SIN3B: variants seen among roughly 807,000 people sequenced by gnomAD.
SIN3B encodes SIN3 transcription regulator family member B.
SIN3B carries 19 observed loss-of-function variants against 120.2 expected under a neutral mutation model. That is an observed-to-expected ratio of 0.16 (90% CI 0.11 to 0.23). The LOEUF (loss-of-function observed/expected upper bound fraction) is 0.23. SIN3B is among the 10% of genes least tolerant of loss of function. The pLI is 1.00. For synonymous variants in SIN3B, 654 were observed against 653.2 expected, an observed-to-expected ratio of 1.00 and a Z score of -0.02; for missense variants, 1,073 against 1,573.0, an observed-to-expected ratio of 0.68 and a Z score of 5.38.
At position 16,852,973 on chromosome 19, in the gene SIN3B, A is replaced by G. The variant is rs1971564773; in HGVS notation, c.850-96A>G. 11 of 957,732 alleles carry G rather than the reference A, an allele frequency of 1.1e-5. No individual in the cohort carries two copies. The South Asian group carries it at 1.8e-4, about 16-fold the overall frequency. The allele number at this position is 957,732 out of a possible 1,614,324, so 59.3% of individuals were successfully genotyped here. A position where few individuals can be genotyped will look rare whatever the true frequency, so the allele number is the denominator to read the frequency against. On this transcript the variant is annotated intron_variant, in intron 6 of 18. Transcript: ENST00000248054. ...CATCTCATGGCAGTTCCCAAAGGAG[A>G]GCACGGTCTTAGCCTTCTTGAGACT...
At chr19:16,845,303 G>A (rs1971465348) in intron 4 of SIN3B, among the ~76,000 whole-genome samples, 1 of 152,130 alleles carries the variant, frequency 6.6e-6, no homozygotes, top group Non-Finnish European at 1.5e-5. Flanking sequence ...TTGAGACGGA[G>A]TCTCTTTCAC....
intron 12 of SIN3B, among the ~76,000 whole-genome samples, chr19:16,868,877 G>A (rs1971815701): frequency 6.6e-6 from 1 of 152,120 alleles, no homozygotes. Context: ...GCGGAGGCGG[G>A]GGCTTGGTGA....
At chr19:16,840,226 G>A (rs1332826307) in intron 3 of SIN3B, among the ~76,000 whole-genome samples, 1 of 152,128 alleles carries the variant, frequency 6.6e-6, no homozygotes, top group Non-Finnish European at 1.5e-5. Context: ...ATTTGGAGAT[G>A]GAGCCTTTGA....
At position 16,869,182 on chromosome 19, in the gene SIN3B, C is replaced by A. The variant is rs375042153; in HGVS notation, c.1807-278C>A. On this transcript the variant is annotated intron_variant, in intron 12 of 18. Coordinates refer to ENST00000248054, the MANE Select transcript of SIN3B (RefSeq NM_001297595.2). ...ACCCCCTGTGAACCCCGCCCCACATCTCAGAATCCTCTTGGCTCCTTTGTC... is the reference window on the plus strand; with the variant it reads ...ACCCCCTGTGAACCCCGCCCCACATATCAGAATCCTCTTGGCTCCTTTGTC... 5.9e-5 allele frequency among the ~76,000 whole-genome samples: 9 copies of A among 152,310 alleles called. 1 individual carries two copies. The highest frequency in any genetic ancestry group is 2.2e-4 in the African/African-American group (9 of 41,562).
At chr19:16,857,139 A>G (rs1479102520) in intron 8 of SIN3B, among the ~76,000 whole-genome samples, 2 of 152,218 alleles carry the variant, frequency 1.3e-5, no homozygotes, top group Admixed American at 1.3e-4. Flanking sequence ...TCCAGTTACA[A>G]AATATAGTAA....
At chr19:16,838,918 ATCCTTG>A (rs1971381860) in intron 3 of SIN3B, among the ~76,000 whole-genome samples, 1 of 141,102 alleles carries the variant, frequency 7.1e-6, no homozygotes, top group Non-Finnish European at 1.5e-5. Context: ...GTGATCCGCC[ATCCTTG>A]GCCTCCCAAA....
At chr19:16,865,855 CCTT>C (rs1236294145) in intron 11 of SIN3B, among the ~76,000 whole-genome samples, 5 of 152,190 alleles carry the variant, frequency 3.3e-5, no homozygotes, top group Admixed American at 6.5e-5. Context: ...AGCACTGTGA[CCTT>C]CTAGGACTTT....
At position 16,840,548 on chromosome 19, in the gene SIN3B, G is replaced by A. The variant is rs796418723; in HGVS notation, c.382-1220G>A. Among the ~76,000 whole-genome samples the A allele has an allele frequency of 3.2e-4, 48 of 152,312 alleles. 1 individual carries two copies. Among genetic ancestry groups the A allele is most frequent in the African/African-American group, 1.1e-3 (46 of 41,566 alleles). ...TGATGGATGCACTCACCCCACTGAC[G>A]GTGCCTGTGCCCAGCAGAGGTACCT... On this transcript the variant is annotated intron_variant, in intron 3 of 18. Transcript: ENST00000248054.
rs1461082329 is a variant in SIN3B at position 16,846,965 on chromosome 19, G to A, written c.583-5G>A. 6.2e-7 allele frequency: 1 copy of A among 1,613,308 alleles called. No homozygotes were observed. The highest frequency in any genetic ancestry group is 1.3e-5 in the African/African-American group (1 of 75,048). On this transcript the variant is annotated splice_region_variant and splice_polypyrimidine_tract_variant and intron_variant, in intron 4 of 18. Coordinates refer to ENST00000248054, the MANE Select transcript of SIN3B (RefSeq NM_001297595.2). Reference sequence around the variant, plus strand: ...ACTTATTTTCCCTTTCCTGAAAACTGGCAGAAGGAGCAGCTGAACACGAGG... The same window carrying A: ...ACTTATTTTCCCTTTCCTGAAAACTAGCAGAAGGAGCAGCTGAACACGAGG...
chr19:16,829,778 C>T lies in SIN3B; in HGVS notation c.121-13C>T. The T allele has an allele frequency of 3.7e-6, 6 of 1,604,464 alleles. No individual in the cohort carries two copies. Among genetic ancestry groups the T allele is most frequent in the Non-Finnish European group, 5.1e-6 (6 of 1,171,604 alleles). ...GCGGCCAGGGCCCACCGGGACCCTCCCCCTCTCTGCAGGTAGAAGACGCCC... is the reference window on the plus strand; with the variant it reads ...GCGGCCAGGGCCCACCGGGACCCTCTCCCTCTCTGCAGGTAGAAGACGCCC... On this transcript the variant is annotated splice_polypyrimidine_tract_variant and intron_variant, in intron 1 of 18. Coordinates refer to ENST00000248054, the MANE Select transcript of SIN3B (RefSeq NM_001297595.2).
At chr19:16,835,381 A>G (rs1323171941) in intron 3 of SIN3B, among the ~76,000 whole-genome samples, 2 of 149,460 alleles carry the variant, frequency 1.3e-5, no homozygotes, top group Non-Finnish European at 3.0e-5. Context: ...GGTGCCTGCC[A>G]CCACTATCAG....
chr19:16,851,321 C>T, intron 5 of SIN3B, 91 bp from the exon 6 acceptor site: 1 of 1,448,482 alleles, frequency 6.9e-7, no homozygotes, highest in Non-Finnish European at 9.2e-7. Context: ...GCCCACCGGG[C>T]TGTGGGCTGA....
chr19:16,858,559 C>G (rs1017637049), intron 8 of SIN3B, among the ~76,000 whole-genome samples: 4 of 152,064 alleles, frequency 2.6e-5, no homozygotes, highest in Non-Finnish European at 4.4e-5. Context: ...AATACCGTTT[C>G]TAGTCCTTTT....
Position 16,863,748 on chromosome 19 carries a change from G to A in SIN3B, c.1335G>A (p.Lys445=), listed in dbSNP as rs763313414. ...ACTCCACGTTCGTCAGCTCCAAGAAGACACCGTACGAGGAGCAGCTTCACC... is the reference window on the plus strand; with the variant it reads ...ACTCCACGTTCGTCAGCTCCAAGAAAACACCGTACGAGGAGCAGCTTCACC... The part of the protein sequence containing the change: ...SEDSTFVSSK[K]TPYEEQLHRC... Residue 445 remains lysine (K), a synonymous_variant, in exon 10 of 19, where the codon AAG becomes AAA. Transcript: ENST00000248054. 6.2e-7 allele frequency: 1 copy of A among 1,614,192 alleles called. No homozygotes were observed. The highest frequency in any genetic ancestry group is 8.5e-7 in the Non-Finnish European group (1 of 1,180,022).
chr19:16,835,948 T>G (rs1971343204), intron 3 of SIN3B, among the ~76,000 whole-genome samples: 1 of 152,214 alleles, frequency 6.6e-6, no homozygotes, highest in African/African-American at 2.4e-5. Context: ...GCCAGTATTC[T>G]CTGTTGCTTA....
intron 3 of SIN3B, among the ~76,000 whole-genome samples, chr19:16,834,517 C>T (rs914016839): frequency 5.9e-5 from 9 of 152,308 alleles, no homozygotes; most frequent in African/African-American, 2.2e-4. Flanking sequence ...GATGACGGTG[C>T]AGACCCATCG....
At chr19:16,863,514 G>A (rs957826149) in intron 9 of SIN3B, 166 bp from the exon 10 acceptor site, 5 of 620,156 alleles carry the variant, frequency 8.1e-6, no homozygotes, top group Non-Finnish European at 1.5e-5. Context: ...CTTGACCAAA[G>A]TCATGTTTTT....
chr19:16,853,667 C>T (rs570985107), intron 7 of SIN3B, among the ~76,000 whole-genome samples: 6 of 150,866 alleles, frequency 4.0e-5, no homozygotes, highest in African/African-American at 9.8e-5. Context: ...GCATGGATTG[C>T]GTGCATGGGC....
chr19:16,864,656 A>G (rs1971738013), intron 10 of SIN3B, among the ~76,000 whole-genome samples: 1 of 150,944 alleles, frequency 6.6e-6, no homozygotes, highest in South Asian at 2.1e-4. Context: ...TTTTTTAGAG[A>G]CAGGGTCTGT....
Sources: allele counts gnomAD v4.1 joint callset (sites outside exome capture counted in the v4.1 genomes callset), GRCh38; gene constraint gnomAD v4.1.1; transcripts MANE v1.5; gene names NCBI Gene and HGNC (gene_info 2026-07-23, HGNC 2026-07-21).